Variants in SCRG1 observed in about 807,000 individuals in gnomAD.
SCRG1 encodes the protein stimulator of chondrogenesis 1.
Under a neutral mutation model 7.7 loss-of-function variants are expected in SCRG1, and 3 were observed. That is an observed-to-expected ratio of 0.39 (90% CI 0.18 to 1.01). The LOEUF is 1.01. Ranked by LOEUF, SCRG1 falls within the 50% of genes least tolerant of loss-of-function variation. The probability of loss-of-function intolerance (pLI) is 0.36; values close to 1 mark genes in which losing one functional copy is unlikely to be tolerated. For missense variants in SCRG1, 110 were observed against 117.2 expected (o/e 0.94, Z 0.28); for synonymous variants, 46 against 41.2 (o/e 1.12, Z -0.44).
intron 2 of SCRG1, among the ~76,000 whole-genome samples, chr4:173,390,654 T>C (rs1007058051): frequency 2.0e-5 from 3 of 152,076 alleles, no homozygotes; most frequent in African/African-American, 7.2e-5. Flanking sequence ...GTATTTTTTT[T>C]GTATTTTGTA....
the SCRG1 span, among the ~76,000 whole-genome samples, chr4:173,427,113 G>C: frequency 1.3e-5 from 2 of 152,158 alleles, no homozygotes; most frequent in African/African-American, 4.8e-5. Flanking sequence ...AATGTGTTGA[G>C]TGACTTTTCC....
chr4:173,473,185 T>C, the SCRG1 span, among the ~76,000 whole-genome samples: 2 of 152,370 alleles, frequency 1.3e-5, no homozygotes, highest in South Asian at 2.1e-4. Flanking sequence ...TGCTAGGCAC[T>C]GTGCCAGGCA....
the SCRG1 span, among the ~76,000 whole-genome samples, chr4:173,432,431 T>C: frequency 6.7e-6 from 1 of 150,366 alleles, no homozygotes; most frequent in Non-Finnish European, 1.5e-5. Context: ...CCCTTCCTTC[T>C]CCTCCTTCTT....
chr4:173,516,862 G>A, the SCRG1 span, among the ~76,000 whole-genome samples: 9 of 152,346 alleles, frequency 5.9e-5, no homozygotes, highest in East Asian at 1.5e-3. Context: ...GTTCGACAAA[G>A]CCCTACTTTG....
At chr4:173,465,933 T>A in the SCRG1 span, among the ~76,000 whole-genome samples, 1 of 152,118 alleles carries the variant, frequency 6.6e-6, no homozygotes, top group Non-Finnish European at 1.5e-5. Flanking sequence ...GTGGTTCGTC[T>A]TCCCAGGTAT....
the SCRG1 span, among the ~76,000 whole-genome samples, chr4:173,466,906 A>T: frequency 6.6e-6 from 1 of 152,204 alleles, no homozygotes; most frequent in Admixed American, 6.5e-5. Context: ...CTCAGCAAAC[A>T]TAATCTAGTC....
chr4:173,456,689 G>A, the SCRG1 span, among the ~76,000 whole-genome samples: 1 of 152,120 alleles, frequency 6.6e-6, no homozygotes, highest in Non-Finnish European at 1.5e-5. Context: ...GCAAATCTAT[G>A]TATATTGAAC....
the SCRG1 span, among the ~76,000 whole-genome samples, chr4:173,416,484 G>C: frequency 9.2e-5 from 14 of 152,250 alleles, no homozygotes; most frequent in Non-Finnish European, 1.3e-4. Flanking sequence ...GCCAGGCGCG[G>C]TGGCGCGCCT....
the SCRG1 span, among the ~76,000 whole-genome samples, chr4:173,450,018 TAA>T: frequency 2.0e-5 from 3 of 152,186 alleles, no homozygotes; most frequent in Non-Finnish European, 4.4e-5. Flanking sequence ...CACACTGGTA[TAA>T]AGACATACCT....
At chr4:173,497,133 A>G in the SCRG1 span, among the ~76,000 whole-genome samples, 3 of 152,160 alleles carry the variant, frequency 2.0e-5, no homozygotes, top group East Asian at 5.8e-4. Context: ...ACAACAACAA[A>G]AAAGAAGAAT....
chr4:173,500,359 G>T, the SCRG1 span, among the ~76,000 whole-genome samples: 1 of 152,188 alleles, frequency 6.6e-6, no homozygotes, highest in Non-Finnish European at 1.5e-5. Context: ...CCGGGTTCGC[G>T]CCCACCCCTG....
the SCRG1 span, among the ~76,000 whole-genome samples, chr4:173,500,196 G>T: frequency 2.0e-5 from 3 of 152,192 alleles, no homozygotes; most frequent in Non-Finnish European, 4.4e-5. Context: ...CCAAAGCCCT[G>T]CGAAAACGCC....
the SCRG1 span, among the ~76,000 whole-genome samples, chr4:173,426,913 C>G: frequency 6.6e-6 from 1 of 152,152 alleles, no homozygotes; most frequent in Non-Finnish European, 1.5e-5. Context: ...AATAAGATAC[C>G]AAGAAATGCA....
chr4:173,483,838 A>T, the SCRG1 span, among the ~76,000 whole-genome samples: 1,115 of 13,590 alleles, frequency 0.082, 367 homozygotes, highest in Non-Finnish European at 0.19. Flanking sequence ...TATAATATAT[A>T]ATATATAATA....
chr4:173,507,749 T>C, the SCRG1 span, among the ~76,000 whole-genome samples: 3 of 152,198 alleles, frequency 2.0e-5, no homozygotes, highest in Admixed American at 6.5e-5. The surrounding 1 kb of genome is among the most constrained non-coding windows in gnomAD (Gnocchi z 4.4). Flanking sequence ...ATCTCTTTTG[T>C]ATCACAGACC....
At chr4:173,460,356 C>T in the SCRG1 span, among the ~76,000 whole-genome samples, 1 of 152,190 alleles carries the variant, frequency 6.6e-6, no homozygotes, top group Non-Finnish European at 1.5e-5. Context: ...GTGCTGGCAT[C>T]ACCCCTCCTC....
At chr4:173,464,532 G>C in the SCRG1 span, among the ~76,000 whole-genome samples, 1 of 152,100 alleles carries the variant, frequency 6.6e-6, no homozygotes, top group Admixed American at 6.5e-5. Context: ...AAAGTATATA[G>C]GTGGGTGTGC....
At chr4:173,409,010 A>AGAAAAG (rs796214951), upstream of SCRG1, among the ~76,000 whole-genome samples, 1 of 146,308 alleles carries the variant, frequency 6.8e-6, no homozygotes, top group African/African-American at 2.6e-5. Flanking sequence ...AAAAAAAAAA[A>AGAAAAG]AAAAGAAAAG....
At chr4:173,395,200 T>C (rs548486523) in intron 1 of SCRG1, among the ~76,000 whole-genome samples, 1 of 152,326 alleles carries the variant, frequency 6.6e-6, no homozygotes, top group Admixed American at 6.5e-5. Flanking sequence ...ATTTAAATGA[T>C]ATATTTGTGA....
Sources: gnomAD v4.1 joint callset for allele counts (sites outside exome capture counted in the v4.1 genomes callset) on GRCh38, gnomAD v4.1.1 for gene constraint, Gnocchi (gnomAD v3.1) non-coding constraint, MANE v1.5 for transcripts, NCBI Gene and HGNC (gene_info 2026-07-23, HGNC 2026-07-21) for gene names.